The following AKR1C8 variants were observed in gnomAD, a reference collection of about 807,000 sequenced individuals.
AKR1C8 encodes aldo-keto reductase family 1 member C8.
At chr10:5,154,424 T>G in the AKR1C8 span, 51 of 245,902 alleles carry the variant, frequency 2.1e-4, no homozygotes, top group Non-Finnish European at 3.7e-4. Flanking sequence ...TTAAAATTAC[T>G]GTTTGTTTTC....
the AKR1C8 span, among the ~76,000 whole-genome samples, chr10:5,147,789 C>G: frequency 9.8e-5 from 15 of 152,302 alleles, no homozygotes; most frequent in South Asian, 3.1e-3. Context: ...CTTTTCCAGG[C>G]AGAAGTTTCA....
At chr10:5,177,835 T>G in the AKR1C8 span, among the ~76,000 whole-genome samples, 1 of 152,336 alleles carries the variant, frequency 6.6e-6, no homozygotes, top group South Asian at 2.1e-4. Flanking sequence ...ATCCCCTTTA[T>G]CATTTTTTAC....
the AKR1C8 span, among the ~76,000 whole-genome samples, chr10:5,128,773 G>T: frequency 6.6e-6 from 1 of 152,052 alleles, no homozygotes; most frequent in Admixed American, 6.6e-5. Context: ...TAATACTGGA[G>T]CTCCCAGATT....
At chr10:5,118,922 C>T in the AKR1C8 span, among the ~76,000 whole-genome samples, 1 of 115,488 alleles carries the variant, frequency 8.7e-6, no homozygotes, top group Non-Finnish European at 1.8e-5. Context: ...CAACACTGTT[C>T]ACTCTATAAA....
chr10:5,161,133 C>A, the AKR1C8 span, among the ~76,000 whole-genome samples: 2 of 152,198 alleles, frequency 1.3e-5, no homozygotes, highest in South Asian at 4.1e-4. Context: ...TATGTGTGTG[C>A]AAAGACATGA....
chr10:5,131,363 C>G, the AKR1C8 span, among the ~76,000 whole-genome samples: 1 of 151,938 alleles, frequency 6.6e-6, no homozygotes, highest in Non-Finnish European at 1.5e-5. Context: ...TTCTGCACAG[C>G]AAAAGAAATA....
chr10:5,158,742 T>C, the AKR1C8 span: 1 of 472,120 alleles, frequency 2.1e-6, no homozygotes, highest in African/African-American at 2.0e-5. Context: ...GGTGTCACAA[T>C]ATATGAGCCA....
chr10:5,132,666 A>C, the AKR1C8 span: 111 of 1,592,038 alleles, frequency 7.0e-5, no homozygotes, highest in Non-Finnish European at 9.1e-5. Context: ...TCAGATGGCC[A>C]GTCCAACCTG....
chr10:5,173,633 T>A, the AKR1C8 span, among the ~76,000 whole-genome samples: 7 of 133,544 alleles, frequency 5.2e-5, 1 homozygote, highest in South Asian at 1.4e-3. Flanking sequence ...AAGCCAGACA[T>A]ACTAACAAAA....
the AKR1C8 span, chr10:5,162,122 T>A: frequency 2.7e-6 from 1 of 369,920 alleles, no homozygotes; most frequent in South Asian, 2.1e-5. Flanking sequence ...TTACTCAGTA[T>A]AAATCAAGTC....
chr10:5,131,428 G>A, the AKR1C8 span, among the ~76,000 whole-genome samples: 16 of 152,014 alleles, frequency 1.1e-4, no homozygotes, highest in East Asian at 2.9e-3. Context: ...TGCAAACTAC[G>A]CTTCCATCAA....
the AKR1C8 span, chr10:5,123,368 G>T: frequency 3.1e-6 from 1 of 317,702 alleles, no homozygotes; most frequent in Non-Finnish European, 6.3e-6. Context: ...CAGGGCTGGG[G>T]ATCACTTGTG....
chr10:5,166,804 C>G, the AKR1C8 span, among the ~76,000 whole-genome samples: 3 of 151,930 alleles, frequency 2.0e-5, no homozygotes, highest in African/African-American at 4.8e-5. Flanking sequence ...TAATTAAACT[C>G]AAGAGCTTCT....
the AKR1C8 span, chr10:5,161,943 C>T: frequency 1.9e-6 from 1 of 534,348 alleles, no homozygotes; most frequent in Non-Finnish European, 3.8e-6. Flanking sequence ...CCGGGTGAAC[C>T]AATTCTGCCC....
chr10:5,178,299 T>A, the AKR1C8 span, among the ~76,000 whole-genome samples: 76 of 152,144 alleles, frequency 5.0e-4, 1 homozygote, highest in Admixed American at 4.6e-3. Flanking sequence ...TTTGAGTGAG[T>A]TTCTTAATCC....
chr10:5,140,063 T>C, the AKR1C8 span, among the ~76,000 whole-genome samples: 41,057 of 151,986 alleles, frequency 0.27, 6,552 homozygotes, highest in Non-Finnish European at 0.36. Context: ...TCATCACTGG[T>C]CATCAGAGAA....
the AKR1C8 span, chr10:5,161,882 T>C: frequency 7.5e-6 from 4 of 533,740 alleles, no homozygotes. Flanking sequence ...ACATGAATAA[T>C]GAAGAGATCT....
the AKR1C8 span, among the ~76,000 whole-genome samples, chr10:5,116,025 A>G: frequency 6.6e-6 from 1 of 152,070 alleles, no homozygotes; most frequent in African/African-American, 2.4e-5. Flanking sequence ...TGGTGGAGTG[A>G]CCCAAACCTT....
At chr10:5,146,956 G>A in the AKR1C8 span, among the ~76,000 whole-genome samples, 4 of 152,126 alleles carry the variant, frequency 2.6e-5, no homozygotes, top group Non-Finnish European at 4.4e-5. Flanking sequence ...GTACATTTGT[G>A]TTGCTATAAA....
Sources: allele counts gnomAD v4.1 joint callset (sites outside exome capture counted in the v4.1 genomes callset), GRCh38; gene constraint gnomAD v4.1.1; transcripts MANE v1.5; gene names NCBI Gene and HGNC (gene_info 2026-07-23, HGNC 2026-07-21).